Variants in COL4A4 observed in about 807,000 individuals in gnomAD.
COL4A4 encodes collagen alpha-4(IV) chain.
COL4A4 carries 105 observed loss-of-function variants against 192.9 expected under a neutral mutation model. The ratio of observed to expected loss-of-function variants is 0.54; its 90% CI spans 0.46 to 0.64. COL4A4 has a LOEUF of 0.64. Among genes scored for constraint, COL4A4 ranks in the 30% least tolerant of loss-of-function variants. COL4A4 has a pLI of 0.00. For missense variants in COL4A4, 1,967 were observed against 2,169.3 expected, an observed-to-expected ratio of 0.91 and a Z score of 1.85; for synonymous variants, 762 against 769.9, an observed-to-expected ratio of 0.99 and a Z score of 0.17.
At chr2:227,125,955 A>G (rs568521263) in intron 4 of COL4A4, among the ~76,000 whole-genome samples, 2 of 152,140 alleles carry the variant, frequency 1.3e-5, no homozygotes, top group African/African-American at 4.8e-5. Context: ...AGAGAACAAC[A>G]AACTCTTTAT....
At chr2:227,023,690 G>A (rs1387198777) in intron 43 of COL4A4, among the ~76,000 whole-genome samples, 1 of 152,134 alleles carries the variant, frequency 6.6e-6, no homozygotes, top group Non-Finnish European at 1.5e-5. Context: ...CTGTGTATGT[G>A]CTACTGTTAT....
intron 14 of COL4A4, 121 bp downstream of exon 14, chr2:227,103,023 G>A: frequency 9.2e-7 from 1 of 1,090,602 alleles, no homozygotes; most frequent in Non-Finnish European, 1.4e-6. Context: ...ATAAGATAGT[G>A]AAAAATTCTG....
chr2:227,115,029 C>G (rs76575270), intron 7 of COL4A4, among the ~76,000 whole-genome samples: 3,584 of 151,798 alleles, frequency 0.024, 123 homozygotes, highest in African/African-American at 0.081. Flanking sequence ...TAATTTATGC[C>G]CTAGAAACAG....
At chr2:227,035,510 G>A (rs1334640825) in intron 37 of COL4A4, among the ~76,000 whole-genome samples, 4 of 147,904 alleles carry the variant, frequency 2.7e-5, no homozygotes, top group African/African-American at 7.6e-5. Flanking sequence ...TGGTTCAAAT[G>A]AGCCATATTC....
chr2:227,101,582 TAAA>T, intron 16 of COL4A4, 25 bp from the exon 17 acceptor site: 1 of 1,413,924 alleles, frequency 7.1e-7, no homozygotes, highest in South Asian at 1.2e-5. Flanking sequence ...AAACATGCCT[TAAA>T]AAAAAAAAGT....
intron 1 of COL4A4, among the ~76,000 whole-genome samples, chr2:227,149,888 T>C (rs2063810017): frequency 6.6e-6 from 1 of 152,192 alleles, no homozygotes; most frequent in African/African-American, 2.4e-5. Flanking sequence ...GACAGACGGA[T>C]GGATGGGCCA....
the COL4A4 span, among the ~76,000 whole-genome samples, chr2:226,993,342 C>T: frequency 1.3e-5 from 2 of 152,198 alleles, no homozygotes; most frequent in African/African-American, 2.4e-5. Flanking sequence ...TCTGACTCTG[C>T]CCTCAGCTAG....
At position 227,046,054 on chromosome 2, in the gene COL4A4, T is replaced by TCTAAATATATATACATATATATA. The variant is rs1468736824; in HGVS notation, c.3289+1420_3289+1421insTATATATATGTATATATATTTAG. Among the ~76,000 whole-genome samples, 1,274 of 137,746 alleles carry TCTAAATATATATACATATATATA rather than the reference T, an allele frequency of 9.2e-3. 36 individuals are homozygous for TCTAAATATATATACATATATATA. The highest frequency in any genetic ancestry group is 0.035 in the African/African-American group (1,211 of 34,698). 90.4% of individuals were successfully genotyped at this position (137,746 alleles called of 152,430 possible). A position where few individuals can be genotyped will look rare whatever the true frequency, so the allele number is the denominator to read the frequency against. ...TGTATACATATATACATATATACTA[T>TCTAAATATATATACATATATATA]CTAAACATATATACATATATATATT... On this transcript the variant is annotated intron_variant, in intron 35 of 47. Coordinates refer to ENST00000396625, the MANE Select transcript of COL4A4 (RefSeq NM_000092.5).
In COL4A4 at chr2:227,006,486, A is replaced by G. The variant is rs1218133418; in HGVS notation, c.*839T>C. The G allele has an allele frequency of 6.6e-6, 1 of 152,434 alleles. No individual in the cohort carries two copies. The highest frequency in any genetic ancestry group is 2.4e-5 in the African/African-American group (1 of 41,442). 9.4% of individuals were successfully genotyped at this position (152,434 alleles called of 1,614,324 possible). A position where few individuals can be genotyped will look rare whatever the true frequency, so the allele number is the denominator to read the frequency against. On this transcript the variant is annotated 3_prime_UTR_variant, in exon 48 of 48. Coordinates refer to ENST00000396625, the MANE Select transcript of COL4A4 (RefSeq NM_000092.5). ...GGAAGTTCACTGCAATGGGGAGTCA[A>G]TTTTTGTGAATAACTACCTTAATAT... is the stretch of plus-strand genomic sequence containing the variant.
At chr2:226,970,588 G>A in the COL4A4 span, among the ~76,000 whole-genome samples, 9 of 152,194 alleles carry the variant, frequency 5.9e-5, no homozygotes, top group Non-Finnish European at 7.3e-5. Context: ...GGCTGCTCAG[G>A]CAGCAGGTGT....
rs1350561484 is a variant in COL4A4, at chr2:227,027,955, C to G, written c.4028G>C (p.Gly1343Ala). The G allele has an allele frequency of 6.2e-7, 1 of 1,613,720 alleles. No homozygotes were observed. Among genetic ancestry groups the G allele is most frequent in the Admixed American group, 1.7e-5 (1 of 59,944 alleles). Residue 1343 changes from glycine (G) to alanine (A), a missense_variant, in exon 42 of 48, where the codon GGA becomes GCA. Physicochemically the swap from Gly to Ala is moderately conservative, Grantham distance 60. Transcript: ENST00000396625. ...QGPHGFPGPP[G>A]EKGLPGPPGR... ...TGGAGGTCCAGGTAAACCCTTCTCT[C>G]CAGGTGGCCCAGGAAATCCATGTGG...
chr2:227,024,025 AAAC>A (rs1307216199), intron 43 of COL4A4, among the ~76,000 whole-genome samples: 47 of 149,794 alleles, frequency 3.1e-4, no homozygotes, highest in Middle Eastern at 3.4e-3. Context: ...AACAAAAAAC[AAAC>A]AAAAAAAACC....
At chr2:227,034,537 TGTTC>T (rs1364792060) in intron 37 of COL4A4, among the ~76,000 whole-genome samples, 38 of 150,894 alleles carry the variant, frequency 2.5e-4, no homozygotes, top group Non-Finnish European at 5.0e-4. Context: ...ACCCAGTAGC[TGTTC>T]TTTTTTTTTT....
intron 2 of COL4A4, among the ~76,000 whole-genome samples, chr2:227,147,103 A>T (rs1221696757): frequency 6.6e-6 from 1 of 152,156 alleles, no homozygotes. Context: ...TAACTCTTCT[A>T]GTTATAGGGA....
chr2:227,138,307 G>A (rs769959720), intron 4 of COL4A4, among the ~76,000 whole-genome samples: 5 of 151,788 alleles, frequency 3.3e-5, no homozygotes, highest in Non-Finnish European at 5.9e-5. Flanking sequence ...GACAGAGTGA[G>A]ACCCTGTCTA....
intron 4 of COL4A4, among the ~76,000 whole-genome samples, chr2:227,132,964 G>A (rs1344120356): frequency 6.6e-6 from 1 of 152,096 alleles, no homozygotes; most frequent in African/African-American, 2.4e-5. Flanking sequence ...GTACTAAAGA[G>A]GTATTCTTAT....
Position 227,060,124 on chromosome 2 carries a change from A to AAAAAAAAAAAAAC in COL4A4, c.2164+11_2164+12insGTTTTTTTTTTTT. On this transcript the variant is annotated intron_variant, in intron 27 of 47. Transcript: ENST00000396625. ...CAGAAAAAAAAAAAAAAAAAAAAAA[A>AAAAAAAAAAAAAC]ACCTCACTGACCAGGTGGACCTGGT... 6.9e-7 allele frequency: 1 copy of AAAAAAAAAAAAAC among 1,450,534 alleles called. No homozygotes were observed. Among genetic ancestry groups the AAAAAAAAAAAAAC allele is most frequent in the South Asian group, 1.2e-5 (1 of 80,674 alleles). 89.9% of individuals were successfully genotyped at this position (1,450,534 alleles called of 1,614,324 possible).
At chr2:227,029,378 G>T (rs1467038370) in intron 41 of COL4A4, among the ~76,000 whole-genome samples, 2 of 152,192 alleles carry the variant, frequency 1.3e-5, no homozygotes, top group African/African-American at 4.8e-5. Flanking sequence ...CTTACCCATA[G>T]ATTTGAGCCA....
chr2:227,095,810 G>A (rs1456153761), intron 19 of COL4A4, among the ~76,000 whole-genome samples: 2 of 152,170 alleles, frequency 1.3e-5, no homozygotes, highest in Admixed American at 6.5e-5. Context: ...CAGGAGAATC[G>A]CTTGAACCTG....
Sources: allele counts gnomAD v4.1 joint callset (sites outside exome capture counted in the v4.1 genomes callset), GRCh38; gene constraint gnomAD v4.1.1; transcripts MANE v1.5; gene names NCBI Gene and HGNC (gene_info 2026-07-23, HGNC 2026-07-21).